FLNB: variants seen among roughly 807,000 people sequenced by gnomAD.
FLNB encodes filamin B, also known as filamin-B.
FLNB carries 111 observed loss-of-function variants against 250.6 expected under a neutral mutation model. The observed-to-expected ratio is 0.44, with a 90% CI of 0.38 to 0.52. The LOEUF (loss-of-function observed/expected upper bound fraction) is 0.52, where lower values mean the gene tolerates loss of function less well. Among genes scored for constraint, FLNB ranks in the 20% least tolerant of loss-of-function variants. The probability of loss-of-function intolerance (pLI) is 0.00; values close to 1 mark genes in which losing one functional copy is unlikely to be tolerated. For synonymous variants in FLNB, 1,302 were observed against 1,372.1 expected, an observed-to-expected ratio of 0.95 and a Z score of 1.13; for missense variants, 2,869 against 3,447.8, an observed-to-expected ratio of 0.83 and a Z score of 4.20.
At chr3:58,150,253 G>A (rs1459239923) in intron 38 of FLNB, 26 bp downstream of exon 38, 1 of 1,613,850 alleles carries the variant, frequency 6.2e-7, no homozygotes, top group African/African-American at 1.3e-5. Flanking sequence ...TAGTAGGGTG[G>A]GGAAGCCTTG....
Position 58,124,419 on chromosome 3 carries a change from C to A in FLNB, c.3812C>A (p.Ala1271Asp), listed in dbSNP as rs774342783. The A allele has an allele frequency of 6.2e-7, 1 of 1,614,186 alleles. No individual in the cohort carries two copies. ...GGTGACCACATCAAGGCCCACATTG[C>A]CAACCCCTCAGGGGCCTCCACCGAG... is the stretch of plus-strand genomic sequence containing the variant. ...VGGDHIKAHI[A>D]NPSGASTECF... is the part of the protein sequence containing the mutation. The change falls in exon 22 of 46, where the codon GCC (alanine) becomes GAC (aspartate). Residue 1271 changes from alanine to aspartate, a missense_variant. Coordinates refer to ENST00000295956, the MANE Select transcript of FLNB (RefSeq NM_001457.4).
At chr3:58,018,107 A>C (rs1235739667) in intron 1 of FLNB, among the ~76,000 whole-genome samples, 2 of 152,128 alleles carry the variant, frequency 1.3e-5, no homozygotes. Flanking sequence ...TATAACATCT[A>C]GTATTTCTCA....
chr3:58,089,016 C>T (rs1194805631), intron 4 of FLNB, among the ~76,000 whole-genome samples: 2 of 152,082 alleles, frequency 1.3e-5, no homozygotes, highest in African/African-American at 4.8e-5. Context: ...CTTCCCTCCC[C>T]TGCCACAGTG....
At chr3:58,074,031 A>G (rs528376971) in intron 1 of FLNB, among the ~76,000 whole-genome samples, 61 of 152,128 alleles carry the variant, frequency 4.0e-4, no homozygotes, top group Non-Finnish European at 7.5e-4. Flanking sequence ...ATAGCCCGTC[A>G]CCTCTGCCAT....
intron 19 of FLNB, among the ~76,000 whole-genome samples, chr3:58,120,604 G>T (rs1381355348): frequency 6.6e-6 from 1 of 152,196 alleles, no homozygotes; most frequent in Non-Finnish European, 1.5e-5. Flanking sequence ...CTCAGCACTT[G>T]CTTCAATCGG....
chr3:58,161,083 A>G (rs772288377), intron 42 of FLNB, among the ~76,000 whole-genome samples: 1 of 152,174 alleles, frequency 6.6e-6, no homozygotes, highest in Non-Finnish European at 1.5e-5. Flanking sequence ...AACAAGTGTA[A>G]AGGATGGGGT....
intron 4 of FLNB, among the ~76,000 whole-genome samples, chr3:58,089,983 C>A (rs1206783401): frequency 1.3e-5 from 2 of 152,104 alleles, no homozygotes; most frequent in Non-Finnish European, 2.9e-5. Flanking sequence ...GACGTAGTTT[C>A]ACCCTGTTGG....
chr3:58,145,763 G>C (rs1368869957), intron 32 of FLNB, among the ~76,000 whole-genome samples, 158 bp from the exon 33 acceptor site: 1 of 152,190 alleles, frequency 6.6e-6, no homozygotes, highest in African/African-American at 2.4e-5. Context: ...AGGATGGCGG[G>C]GGATGGGAGG....
At chr3:58,134,532 A>G (rs1007250571) in intron 26 of FLNB, 84 bp from the exon 27 acceptor site, 13 of 1,508,450 alleles carry the variant, frequency 8.6e-6, no homozygotes, top group African/African-American at 2.8e-5. Flanking sequence ...TTTCCATCCC[A>G]CTCTTATGTG....
chr3:58,150,118 C>G lies in FLNB; in HGVS notation c.6258C>G (p.Thr2086=), dbSNP rs759052646. 1 of 1,614,132 alleles carries G rather than the reference C, an allele frequency of 6.2e-7. No individual in the cohort carries two copies. The highest frequency in any genetic ancestry group is 8.5e-7 in the Non-Finnish European group (1 of 1,180,060). Residue 2086 remains threonine, a synonymous_variant, in exon 38 of 46, where the codon ACC becomes ACG. Coordinates refer to ENST00000295956, the MANE Select transcript of FLNB (RefSeq NM_001457.4). ...ADEHVPGSPF[T]VKISGEGRVK... ...TGGGTCTTGCAGGGAGCCCATTTAC[C>G]GTGAAGATCAGTGGGGAGGGAAGAG...
intron 11 of FLNB, among the ~76,000 whole-genome samples, chr3:58,106,352 CTATATA>C (rs10540627): frequency 0.014 from 1,833 of 132,940 alleles, 48 homozygotes; most frequent in East Asian, 0.063. Flanking sequence ...GTATTTAATA[CTATATA>C]TATATATATA....
At chr3:58,127,058 C>T (rs779860294) in intron 24 of FLNB, among the ~76,000 whole-genome samples, 1 of 152,172 alleles carries the variant, frequency 6.6e-6, no homozygotes, top group Non-Finnish European at 1.5e-5. Flanking sequence ...CACAGTGGCT[C>T]ACACCTGTAA....
At chr3:58,056,097 ATTTATTTATTTTT>A (rs1172263168) in intron 1 of FLNB, among the ~76,000 whole-genome samples, 4 of 131,518 alleles carry the variant, frequency 3.0e-5, no homozygotes, top group East Asian at 4.0e-4. Context: ...TTATTTATTT[ATTTATTTATTTTT>A]TTTTTTTTTG....
chr3:58,058,027 G>C (rs1339494215), intron 1 of FLNB, among the ~76,000 whole-genome samples: 1 of 152,166 alleles, frequency 6.6e-6, no homozygotes, highest in Non-Finnish European at 1.5e-5. Context: ...GACCTCAGGT[G>C]ATCCGCCTGC....
At chr3:58,041,317 A>G (rs1470442568) in intron 1 of FLNB, among the ~76,000 whole-genome samples, 1 of 152,248 alleles carries the variant, frequency 6.6e-6, no homozygotes, top group East Asian at 1.9e-4. Context: ...AGAAGCAGCC[A>G]GGTGGGCAGG....
intron 42 of FLNB, among the ~76,000 whole-genome samples, chr3:58,161,327 G>A (rs960523354): frequency 6.6e-6 from 1 of 152,216 alleles, no homozygotes; most frequent in Non-Finnish European, 1.5e-5. Flanking sequence ...CAGAGGGTGG[G>A]TGAGGATTGG....
chr3:58,071,861 A>T (rs1374182483), intron 1 of FLNB, among the ~76,000 whole-genome samples: 1 of 152,212 alleles, frequency 6.6e-6, no homozygotes, highest in Non-Finnish European at 1.5e-5. Flanking sequence ...TGATGTGAGT[A>T]GAGAGGTAAA....
intron 1 of FLNB, among the ~76,000 whole-genome samples, chr3:58,031,381 T>G (rs1301519096): frequency 7.1e-4 from 108 of 151,938 alleles, no homozygotes; most frequent in African/African-American, 2.6e-3. Context: ...TAGCTGGGAC[T>G]ACAGGCGCCC....
rs146824983 is a variant in FLNB, at chr3:58,139,100, T to C, written c.5109+571T>C. Among the ~76,000 whole-genome samples the C allele has an allele frequency of 4.0e-4, 61 of 152,334 alleles. No homozygotes were observed. The East Asian group carries it at 8.7e-3, about 22-fold the overall frequency. ...GGAAACCATTATGCAAACACCTGGG[T>C]TAGTGAATGACCAAGGTCTTTCATT... On this transcript the variant is annotated intron_variant, in intron 29 of 45. Transcript: ENST00000295956.
Sources: gnomAD v4.1 joint callset for allele counts (sites outside exome capture counted in the v4.1 genomes callset) on GRCh38, gnomAD v4.1.1 for gene constraint, MANE v1.5 for transcripts, NCBI Gene and HGNC (gene_info 2026-07-23, HGNC 2026-07-21) for gene names.